The following POLE variants were observed in gnomAD, a reference collection of about 807,000 sequenced individuals.
POLE encodes the protein DNA polymerase epsilon catalytic subunit A.
A neutral mutation model predicts 279.2 loss-of-function variants in POLE; 188 were observed. The observed-to-expected ratio is 0.67, with a 90% CI of 0.60 to 0.76. POLE has a LOEUF of 0.76. Among genes scored for constraint, POLE ranks in the 30% least tolerant of loss-of-function variants. The pLI is 0.00. For synonymous variants in POLE, 1,214 were observed against 1,172.5 expected, an observed-to-expected ratio of 1.04 and a Z score of -0.72; for missense variants, 2,703 against 3,016.7, an observed-to-expected ratio of 0.90 and a Z score of 2.44.
At position 132,634,903 on chromosome 12, in the gene POLE, C is replaced by A. The variant is rs2042004235; in HGVS notation, c.5812-525G>T. Among the ~76,000 whole-genome samples, 1 of 152,184 alleles carries A rather than the reference C, an allele frequency of 6.6e-6. No homozygotes were observed. Among genetic ancestry groups the A allele is most frequent in the Admixed American group, 6.5e-5 (1 of 15,290 alleles). On this transcript the variant is annotated intron_variant, in intron 42 of 48. Coordinates refer to ENST00000320574, the MANE Select transcript of POLE (RefSeq NM_006231.4). This position sits in a 1 kb window ranked among gnomAD's most constrained non-coding sequence, Gnocchi z 4.0. ...TGAGTTTCTACCCTCCCACTTTGTT[C>A]TGAATCCCTTCAATCAGGGTTTATC...
intron 29 of POLE, among the ~76,000 whole-genome samples, chr12:132,655,922 G>A (rs112187661): frequency 9.2e-5 from 14 of 152,042 alleles, no homozygotes; most frequent in Admixed American, 2.0e-4. Context: ...AGCACTTTGC[G>A]AGGCCAAGGC....
At chr12:132,641,097 G>A (rs1489428031) in intron 39 of POLE, 17 of 456,154 alleles carry the variant, frequency 3.7e-5, no homozygotes, top group Non-Finnish European at 5.7e-5. Flanking sequence ...GACAATAACC[G>A]CTCCCCGTCC....
At chr12:132,671,394 G>A (rs111843828) in intron 16 of POLE, among the ~76,000 whole-genome samples, 2,024 of 151,270 alleles carry the variant, frequency 0.013, 135 homozygotes, top group African/African-American at 0.047. Context: ...AGATAGGCCA[G>A]GCGCGGTGCC....
At chr12:132,626,990 TA>T (rs2041852591) in intron 45 of POLE, among the ~76,000 whole-genome samples, 1 of 152,218 alleles carries the variant, frequency 6.6e-6, no homozygotes, top group Admixed American at 6.5e-5. Context: ...TCAGTACATA[TA>T]AAAGTTACGT....
intron 45 of POLE, among the ~76,000 whole-genome samples, chr12:132,626,587 C>G (rs2041844273): frequency 6.6e-6 from 1 of 151,204 alleles, no homozygotes; most frequent in South Asian, 2.1e-4. Context: ...AGAGAGCACT[C>G]AACCCATTCT....
chr12:132,660,037 A>G (rs1319369150), intron 25 of POLE: 1 of 159,748 alleles, frequency 6.3e-6, no homozygotes, highest in Non-Finnish European at 1.4e-5. Flanking sequence ...AGAAGAATTT[A>G]CTGAAGAGCA....
intron 1 of POLE, among the ~76,000 whole-genome samples, chr12:132,685,402 A>C (rs1318101083): frequency 6.6e-6 from 1 of 152,264 alleles, no homozygotes; most frequent in Admixed American, 6.5e-5. Context: ...TTCAGTTTTC[A>C]TGACAACCCC....
chr12:132,672,071 A>C (rs1052867778), intron 16 of POLE, 144 bp downstream of exon 16: 3 of 648,156 alleles, frequency 4.6e-6, no homozygotes, highest in East Asian at 2.7e-5. Flanking sequence ...CACAACCATG[A>C]CTGCCCTGTC....
At position 132,632,480 on chromosome 12, in the gene POLE, G is replaced by C; in HGVS notation, c.6165C>G (p.Val2055=). 1 of 1,614,034 alleles carries C rather than the reference G, an allele frequency of 6.2e-7. No homozygotes were observed. Among genetic ancestry groups the C allele is most frequent in the South Asian group, 1.1e-5 (1 of 91,076 alleles). The change falls in exon 45 of 49, where the codon GTC becomes GTG. Residue 2055 remains valine (V), a synonymous_variant. Coordinates refer to ENST00000320574, the MANE Select transcript of POLE (RefSeq NM_006231.4). ...PGMITFSQDY[V]ANELTQSFFT... is the part of the protein sequence containing the mutation. ...AGAAGCTCTGAGTGAGCTCATTTGC[G>C]ACATAATCCTGAGAGAAGGTGATCA...
At chr12:132,625,193 C>T (rs895018121) in intron 47 of POLE, 199 bp from the exon 48 acceptor site, 10 of 691,516 alleles carry the variant, frequency 1.4e-5, no homozygotes, top group African/African-American at 3.5e-5. Context: ...CACCCACCCT[C>T]GCTGTGGATG....
chr12:132,650,872 C>CTTTTTTTTTTTTTTTTTTTTTT (rs372563000), intron 29 of POLE: 1 of 108,666 alleles, frequency 9.2e-6, no homozygotes, highest in Non-Finnish European at 1.8e-5. Flanking sequence ...AACTTGTTTC[C>CTTTTTTTTTTTTTTTTTTTTTT]TTTTTTTTTT....
At chr12:132,670,795 G>A (rs988043921) in intron 16 of POLE, among the ~76,000 whole-genome samples, 1 of 151,740 alleles carries the variant, frequency 6.6e-6, no homozygotes, top group Non-Finnish European at 1.5e-5. Context: ...GGCCATGGCC[G>A]ACATTCTTTA....
At chr12:132,631,650 T>C (rs1391143656) in intron 45 of POLE, among the ~76,000 whole-genome samples, 2 of 152,090 alleles carry the variant, frequency 1.3e-5, no homozygotes, top group African/African-American at 4.8e-5. Context: ...CTGGTAATAT[T>C]ATCCCTCCTT....
rs769386598 is a variant in POLE at position 132,659,330 on chromosome 12, G to A, written c.3240C>T (p.Ile1080=). The A allele has an allele frequency of 6.2e-7, 1 of 1,613,034 alleles. No homozygotes were observed. The highest frequency in any genetic ancestry group is 8.5e-7 in the Non-Finnish European group (1 of 1,180,026). Residue 1080 remains isoleucine (I), a synonymous_variant, in exon 26 of 49, where the codon ATC becomes ATT. Coordinates refer to ENST00000320574, the MANE Select transcript of POLE (RefSeq NM_006231.4). ...CAGGGGAGCCCTCGGGCTTGCGGGA[G>A]ATGATGTAGCGGCAACTCAGCCCTG... is the stretch of plus-strand genomic sequence containing the variant. ...KDAGLSCRYI[I]SRKPEGSPVT...
In POLE at chr12:132,672,841, T is replaced by C. The variant is rs750060381; in HGVS notation, c.1474-2A>G. On this transcript the variant is annotated splice_acceptor_variant, in intron 14 of 48. Transcript: ENST00000320574. LOFTEE classifies it high-confidence loss of function. ...AGTGCCAGAGCCCTTCCGCAGCACC[T>C]GCAAGAGAAACCAAGGCTTCCAGCC... 3 of 1,612,882 alleles carry C rather than the reference T, an allele frequency of 1.9e-6. No homozygotes were observed. Among genetic ancestry groups the C allele is most frequent in the Non-Finnish European group, 2.5e-6 (3 of 1,179,238 alleles).
rs2042558032 is a variant in POLE at position 132,657,068 on chromosome 12, G to GC, written c.3582+67dup. 3 of 1,538,968 alleles carry GC rather than the reference G, an allele frequency of 1.9e-6. No homozygotes were observed. The African/African-American group carries it at 4.1e-5, about 21-fold the overall frequency. On this transcript the variant is annotated intron_variant, in intron 29 of 48. Transcript: ENST00000320574. ...GCTTCACTACAGCACACACAGCAGC[G>GC]CAAGAAGCCTGGAGTCCTGTGTGTC...
chr12:132,638,149 A>G lies in POLE; in HGVS notation c.5553-10T>C, dbSNP rs1593719981. 6.2e-7 allele frequency: 1 copy of G among 1,613,254 alleles called. No individual in the cohort carries two copies. Among genetic ancestry groups the G allele is most frequent in the Non-Finnish European group, 8.5e-7 (1 of 1,179,574 alleles). Reference sequence around the variant, plus strand: ...GAACTCAGCGATGAGCCTGTGGAGCAAGTTGAGAGTCCGTGGTGGAGACGC... The same window carrying G: ...GAACTCAGCGATGAGCCTGTGGAGCGAGTTGAGAGTCCGTGGTGGAGACGC... On this transcript the variant is annotated splice_polypyrimidine_tract_variant and intron_variant, in intron 40 of 48. Transcript: ENST00000320574.
At chr12:132,626,350 C>A in intron 45 of POLE, 33 bp from the exon 46 acceptor site, 6 of 1,594,820 alleles carry the variant, frequency 3.8e-6, no homozygotes, top group African/African-American at 2.7e-5. Flanking sequence ...CGGGAAGGAG[C>A]TCCCGGGGCC....
chr12:132,666,737 TGATGGAGATAA>T (rs2042805585), intron 20 of POLE, among the ~76,000 whole-genome samples: 1 of 152,130 alleles, frequency 6.6e-6, no homozygotes, highest in African/African-American at 2.4e-5. Context: ...AGCTACTGTT[TGATGGAGATAA>T]GAGTTTCCGT....
Sources: gnomAD v4.1 joint callset for allele counts (sites outside exome capture counted in the v4.1 genomes callset) on GRCh38, gnomAD v4.1.1 for gene constraint, Gnocchi (gnomAD v3.1) non-coding constraint, MANE v1.5 for transcripts, NCBI Gene and HGNC (gene_info 2026-07-23, HGNC 2026-07-21) for gene names.